Variants in GLDC observed in about 807,000 individuals in gnomAD.
GLDC encodes glycine dehydrogenase (decarboxylating), mitochondrial.
Under a neutral mutation model 121.3 loss-of-function variants are expected in GLDC, and 104 were observed. The ratio of observed to expected loss-of-function variants is 0.86; its 90% CI spans 0.73 to 1.01. The LOEUF (loss-of-function observed/expected upper bound fraction) is 1.01. GLDC is among the 50% of genes least tolerant of loss of function. The probability of loss-of-function intolerance (pLI) is 0.00; values close to 1 mark genes in which losing one functional copy is unlikely to be tolerated. For synonymous variants in GLDC, 546 were observed against 480.6 expected (o/e 1.14, Z -1.78); for missense variants, 1,429 against 1,306.6 (o/e 1.09, Z -1.44).
At chr9:6,591,277 A>T (rs897757611) in intron 11 of GLDC, among the ~76,000 whole-genome samples, 3 of 152,144 alleles carry the variant, frequency 2.0e-5, no homozygotes, top group East Asian at 1.9e-4. Flanking sequence ...CTCTTGTGCC[A>T]TCTTGGTCTA....
chr9:6,557,154 G>A (rs1291751187), intron 17 of GLDC, among the ~76,000 whole-genome samples: 3 of 151,878 alleles, frequency 2.0e-5, no homozygotes, highest in Admixed American at 6.6e-5. Flanking sequence ...TTAGAAGGAG[G>A]ATATTGAACG....
chr9:6,573,986 C>T (rs1262563197), intron 15 of GLDC, among the ~76,000 whole-genome samples: 2 of 152,212 alleles, frequency 1.3e-5, no homozygotes, highest in Non-Finnish European at 2.9e-5. Flanking sequence ...AGGTCTCTAT[C>T]TCTATGGATT....
chr9:6,613,802 A>C (rs924019312), intron 3 of GLDC, among the ~76,000 whole-genome samples: 5 of 152,098 alleles, frequency 3.3e-5, no homozygotes, highest in African/African-American at 1.2e-4. Context: ...TTTTAGATAG[A>C]GTCTTGCTCT....
intron 16 of GLDC, among the ~76,000 whole-genome samples, 178 bp downstream of exon 16, chr9:6,565,176 A>C (rs1178348233): frequency 2.6e-5 from 4 of 152,234 alleles, no homozygotes; most frequent in Admixed American, 6.5e-5. Context: ...AAAATGGTCA[A>C]GTGGGATGTC....
chr9:6,628,905 C>T (rs1452457721), intron 2 of GLDC, among the ~76,000 whole-genome samples: 3 of 152,102 alleles, frequency 2.0e-5, no homozygotes, highest in Non-Finnish European at 4.4e-5. Context: ...AGAATAAATG[C>T]CTGCTTCTGA....
intron 15 of GLDC, chr9:6,566,351 C>T (rs1817854315): frequency 6.6e-6 from 1 of 151,892 alleles, no homozygotes; most frequent in Non-Finnish European, 1.5e-5. Context: ...GGTAATGTGT[C>T]AACATCTTAA....
chr9:6,572,448 G>T (rs759932583), intron 15 of GLDC, among the ~76,000 whole-genome samples: 38 of 152,160 alleles, frequency 2.5e-4, no homozygotes, highest in Non-Finnish European at 1.5e-4. Flanking sequence ...CCTTTCAGTG[G>T]CTTTATTATC....
intron 5 of GLDC, chr9:6,605,957 G>C (rs1013055555): frequency 6.3e-6 from 1 of 158,502 alleles, no homozygotes; most frequent in African/African-American, 2.4e-5. Context: ...ATTTTTCTCT[G>C]TTTTTCAAAC....
chr9:6,553,592 G>C, intron 19 of GLDC, 83 bp from the exon 20 acceptor site: 5 of 1,380,820 alleles, frequency 3.6e-6, no homozygotes, highest in Non-Finnish European at 5.2e-6. Context: ...CTCCCAGAAA[G>C]CCTTGTTCTT....
At chr9:6,556,358 G>C in intron 17 of GLDC, 56 bp from the exon 18 acceptor site, 1 of 1,417,866 alleles carries the variant, frequency 7.1e-7, no homozygotes, top group South Asian at 1.1e-5. Flanking sequence ...TTCTTTCTTG[G>C]CCAAATCCTC....
intron 17 of GLDC, 119 bp from the exon 18 acceptor site, chr9:6,556,421 G>T: frequency 1.2e-6 from 1 of 830,698 alleles, no homozygotes; most frequent in Non-Finnish European, 2.1e-6. Context: ...TTACTTTCCT[G>T]GAACTGTCTC....
chr9:6,612,211 A>G (rs917252765), intron 3 of GLDC, among the ~76,000 whole-genome samples: 3 of 147,204 alleles, frequency 2.0e-5, no homozygotes, highest in African/African-American at 7.7e-5. Flanking sequence ...ACACACACAA[A>G]CACACACTCT....
At chr9:6,634,696 T>C (rs952362036) in intron 2 of GLDC, among the ~76,000 whole-genome samples, 8 of 152,166 alleles carry the variant, frequency 5.3e-5, no homozygotes, top group Non-Finnish European at 8.8e-5. Context: ...CAGGACTCCA[T>C]GTGGGCCTGA....
chr9:6,559,030 G>A (rs1817691607), intron 16 of GLDC, among the ~76,000 whole-genome samples: 2 of 152,148 alleles, frequency 1.3e-5, no homozygotes, highest in Admixed American at 1.3e-4. Context: ...GAGACTGGAA[G>A]TTAAACTCAA....
chr9:6,587,888 G>T (rs746802722), intron 14 of GLDC, among the ~76,000 whole-genome samples: 1 of 151,822 alleles, frequency 6.6e-6, no homozygotes, highest in Non-Finnish European at 1.5e-5. Flanking sequence ...CAGAATAAAC[G>T]TAAGAAATGA....
At chr9:6,597,341 G>A (rs1383663717) in intron 8 of GLDC, among the ~76,000 whole-genome samples, 1 of 152,136 alleles carries the variant, frequency 6.6e-6, no homozygotes, top group Non-Finnish European at 1.5e-5. Flanking sequence ...AAACCATTGA[G>A]CTGTATACTT....
rs1029372625 is a variant in GLDC, at chr9:6,630,483, G to A, written c.335-10164C>T. Among the ~76,000 whole-genome samples the A allele has an allele frequency of 2.0e-5, 3 of 151,988 alleles. No homozygotes were observed. The East Asian group carries it at 5.8e-4, about 29-fold the overall frequency. ...TCACTCTTCGCCCTCCATGTGCTTG[G>A]CAAGACACTAGGAAAAGGTCTCCAA... is the stretch of plus-strand genomic sequence containing the variant. On this transcript the variant is annotated intron_variant, in intron 2 of 24. Coordinates refer to ENST00000321612, the MANE Select transcript of GLDC (RefSeq NM_000170.3).
intron 3 of GLDC, among the ~76,000 whole-genome samples, chr9:6,615,123 C>A (rs1818942862): frequency 6.6e-6 from 1 of 152,118 alleles, no homozygotes; most frequent in Non-Finnish European, 1.5e-5. Flanking sequence ...ATAACATCAC[C>A]TATATGAGAG....
chr9:6,644,774 G>A, intron 1 of GLDC, 82 bp from the exon 2 acceptor site: 2 of 930,840 alleles, frequency 2.1e-6, no homozygotes, highest in Non-Finnish European at 3.5e-6. Context: ...AAAGCCTTGT[G>A]GGAACCTCAT....
Sources: gnomAD v4.1 joint callset for allele counts (sites outside exome capture counted in the v4.1 genomes callset) on GRCh38, gnomAD v4.1.1 for gene constraint, MANE v1.5 for transcripts, NCBI Gene and HGNC (gene_info 2026-07-23, HGNC 2026-07-21) for gene names.